Variants in CHN2 observed in about 807,000 individuals in gnomAD.
The protein encoded by CHN2 is beta-chimaerin.
CHN2 carries 35 observed loss-of-function variants against 56.3 expected under a neutral mutation model. The observed-to-expected ratio is 0.62, with a 90% CI of 0.47 to 0.82. The LOEUF (loss-of-function observed/expected upper bound fraction) is 0.82. Among genes scored for constraint, CHN2 ranks in the 40% least tolerant of loss-of-function variants. CHN2 has a pLI of 0.00. For missense variants in CHN2, 491 were observed against 580.5 expected (o/e 0.85, Z 1.58); for synonymous variants, 210 against 212.8 (o/e 0.99, Z 0.12).
chr7:29,235,334 A>G (rs1417230356), intron 1 of CHN2, among the ~76,000 whole-genome samples: 1 of 152,228 alleles, frequency 6.6e-6, no homozygotes, highest in Non-Finnish European at 1.5e-5. Flanking sequence ...CCACAATGAG[A>G]TACCATCTCA....
intron 2 of CHN2, among the ~76,000 whole-genome samples, chr7:29,149,254 G>A (rs11971828): frequency 0.36 from 48,908 of 136,970 alleles, 8,437 homozygotes; most frequent in Middle Eastern, 0.39. Context: ...CTGCAATGTC[G>A]CAATCTCAGC....
At chr7:29,387,437 C>T (rs949056354) in intron 3 of CHN2, among the ~76,000 whole-genome samples, 14 of 152,168 alleles carry the variant, frequency 9.2e-5, no homozygotes, top group South Asian at 2.1e-4. Flanking sequence ...TCTTGTTTTC[C>T]GAATACTCAC....
chr7:29,378,784 G>A (rs982115420), intron 3 of CHN2, among the ~76,000 whole-genome samples: 1 of 152,130 alleles, frequency 6.6e-6, no homozygotes, highest in Non-Finnish European at 1.5e-5. Flanking sequence ...GCCAACATGG[G>A]GAAACCCCAT....
chr7:29,274,472 C>T (rs911682499), intron 1 of CHN2, among the ~76,000 whole-genome samples: 4 of 152,224 alleles, frequency 2.6e-5, no homozygotes, highest in Admixed American at 6.5e-5. Context: ...TCCAACTCAT[C>T]TGCTATTTCC....
chr7:29,328,871 T>C (rs1251088078), intron 1 of CHN2, among the ~76,000 whole-genome samples: 1 of 152,154 alleles, frequency 6.6e-6, no homozygotes, highest in African/African-American at 2.4e-5. Flanking sequence ...CCACCATCTG[T>C]TGATGAAAAG....
At chr7:29,439,922 C>G (rs750781494) in intron 6 of CHN2, among the ~76,000 whole-genome samples, 3 of 152,102 alleles carry the variant, frequency 2.0e-5, no homozygotes, top group Non-Finnish European at 4.4e-5. Context: ...ACAGGCAAAC[C>G]GAGTCTTGTG....
intron 6 of CHN2, among the ~76,000 whole-genome samples, chr7:29,445,763 A>G (rs1783988204): frequency 6.6e-6 from 1 of 152,080 alleles, no homozygotes; most frequent in Admixed American, 6.5e-5. Flanking sequence ...CCAAGGAGCT[A>G]GAGTAAATTT....
chr7:29,509,899 T>C (rs1449601106), intron 12 of CHN2, among the ~76,000 whole-genome samples: 2 of 151,262 alleles, frequency 1.3e-5, no homozygotes, highest in East Asian at 3.9e-4. Flanking sequence ...TTGTGTCACT[T>C]GTGAGATTGC....
chr7:29,186,237 A>G (rs892152746), intron 2 of CHN2, among the ~76,000 whole-genome samples: 2 of 150,780 alleles, frequency 1.3e-5, no homozygotes, highest in Admixed American at 6.6e-5. Flanking sequence ...GCCTGCCCCA[A>G]AGTTTATGTT....
intron 1 of CHN2, among the ~76,000 whole-genome samples, chr7:29,348,952 A>C (rs1370067488): frequency 6.6e-6 from 1 of 152,174 alleles, no homozygotes; most frequent in African/African-American, 2.4e-5. Flanking sequence ...ACATATATGA[A>C]TATTTACCTT....
intron 1 of CHN2, among the ~76,000 whole-genome samples, chr7:29,246,820 G>A (rs1354592218): frequency 2.6e-5 from 4 of 152,214 alleles, no homozygotes; most frequent in Non-Finnish European, 5.9e-5. Context: ...TGGAAGGGAT[G>A]AGGGAGCTCT....
intron 6 of CHN2, among the ~76,000 whole-genome samples, chr7:29,472,313 T>TCACACGCACACACACACACACACACAC (rs1459480414): frequency 1.3e-5 from 1 of 77,800 alleles, no homozygotes; most frequent in Non-Finnish European, 3.5e-5. Context: ...ACACACACAT[T>TCACACGCACACACACACACACACACAC]AGACACAGAA....
At position 29,349,120 on chromosome 7, in the gene CHN2, A is replaced by C. The variant is rs138706283; in HGVS notation, c.50-5505A>C. The stretch of plus-strand genomic sequence containing the variant: ...GGCATGAGACTACACATTGTATGTT[A>C]TTTTTTCTCCTAATTTATCTTACGC... On this transcript the variant is annotated intron_variant, in intron 1 of 12. Coordinates refer to ENST00000222792, the MANE Select transcript of CHN2 (RefSeq NM_004067.4). Among the ~76,000 whole-genome samples the C allele has an allele frequency of 5.0e-3, 767 of 152,232 alleles. 4 individuals carry two copies. The highest frequency in any genetic ancestry group is 0.017 in the African/African-American group (714 of 41,544).
In CHN2 at chr7:29,213,212, G is replaced by T. The variant is rs1785087957; in HGVS notation, c.49+18222G>T. The T allele has an allele frequency of 9.4e-6, 11 of 1,167,836 alleles. No homozygotes were observed. The Admixed American group carries it at 1.8e-4, about 20-fold the overall frequency. 72.3% of individuals were successfully genotyped at this position (1,167,836 alleles called of 1,614,324 possible). A position where few individuals can be genotyped will look rare whatever the true frequency, so the allele number is the denominator to read the frequency against. ...CCACGAACACGCAACCTGAAGATGTGTGAAGATGAGTGAAATTGATATTAC... is the reference window on the plus strand; with the variant it reads ...CCACGAACACGCAACCTGAAGATGTTTGAAGATGAGTGAAATTGATATTAC... On this transcript the variant is annotated intron_variant, in intron 1 of 12. Coordinates refer to ENST00000222792, the MANE Select transcript of CHN2 (RefSeq NM_004067.4).
intron 6 of CHN2, among the ~76,000 whole-genome samples, chr7:29,461,309 A>G (rs1345141605): frequency 6.6e-6 from 1 of 152,198 alleles, no homozygotes; most frequent in Non-Finnish European, 1.5e-5. Flanking sequence ...GAGCCAAAAG[A>G]AAGAGTGGGA....
chr7:29,373,743 C>A (rs1799803833), intron 3 of CHN2, among the ~76,000 whole-genome samples: 2 of 152,114 alleles, frequency 1.3e-5, no homozygotes, highest in Non-Finnish European at 2.9e-5. Flanking sequence ...AATCTTGTAG[C>A]TCGAGGACAT....
At chr7:29,195,623 A>AGTGT (rs1321934892) in intron 1 of CHN2, among the ~76,000 whole-genome samples, 59 of 128,168 alleles carry the variant, frequency 4.6e-4, no homozygotes, top group African/African-American at 1.8e-3. Flanking sequence ...AGAGAGAGAG[A>AGTGT]GAGAGAGTGT....
chr7:29,214,785 C>T (rs1785215239), intron 1 of CHN2, among the ~76,000 whole-genome samples: 1 of 152,174 alleles, frequency 6.6e-6, no homozygotes, highest in African/African-American at 2.4e-5. Flanking sequence ...TGAAACTTGG[C>T]AGGGAGATGG....
At chr7:29,442,270 C>G (rs1173300966) in intron 6 of CHN2, among the ~76,000 whole-genome samples, 4 of 152,168 alleles carry the variant, frequency 2.6e-5, no homozygotes, top group Non-Finnish European at 5.9e-5. Flanking sequence ...AACTCCCCAT[C>G]AGGTCAGATT....
Sources: allele counts gnomAD v4.1 joint callset (sites outside exome capture counted in the v4.1 genomes callset), GRCh38; gene constraint gnomAD v4.1.1; transcripts MANE v1.5; gene names NCBI Gene and HGNC (gene_info 2026-07-23, HGNC 2026-07-21).